The following CIMIP2C variants were observed in gnomAD, a reference collection of about 807,000 sequenced individuals.
CIMIP2C encodes the protein ciliary microtubule inner protein 2C.
chr2:26,569,582 A>T, the CIMIP2C span, among the ~76,000 whole-genome samples: 1 of 152,160 alleles, frequency 6.6e-6, no homozygotes, highest in African/African-American at 2.4e-5. Context: ...CTGATGGCTC[A>T]TGGTAATTAG....
chr2:26,571,121 G>A, the CIMIP2C span, among the ~76,000 whole-genome samples: 151,975 of 152,248 alleles, frequency 1, 75,852 homozygotes, highest in Middle Eastern at 1. Context: ...CCAGAATGGT[G>A]GAGGCTGGAG....
the CIMIP2C span, chr2:26,578,586 T>C: frequency 2.2e-5 from 7 of 324,628 alleles, no homozygotes; most frequent in African/African-American, 1.3e-4. Context: ...GGAAGCAGCA[T>C]CTCCCATCAC....
the CIMIP2C span, among the ~76,000 whole-genome samples, chr2:26,576,781 G>T: frequency 1.3e-5 from 2 of 152,206 alleles, no homozygotes; most frequent in African/African-American, 4.8e-5. Flanking sequence ...TGTTGTTCTT[G>T]TCCTGCTGTT....
At chr2:26,566,388 G>C in the CIMIP2C span, among the ~76,000 whole-genome samples, 4 of 152,248 alleles carry the variant, frequency 2.6e-5, no homozygotes, top group Non-Finnish European at 4.4e-5. Flanking sequence ...AAAGGTGGCT[G>C]TGTCCCCATC....
chr2:26,577,041 A>C, the CIMIP2C span, among the ~76,000 whole-genome samples: 1 of 152,100 alleles, frequency 6.6e-6, no homozygotes. Flanking sequence ...GGAGAGGAGG[A>C]GGTTGATGCC....
At chr2:26,579,238 G>T in the CIMIP2C span, 1 of 1,590,748 alleles carries the variant, frequency 6.3e-7, no homozygotes, top group South Asian at 1.1e-5. Flanking sequence ...GGGTGGGCAC[G>T]CACCACCTTC....
chr2:26,576,845 G>A, the CIMIP2C span, among the ~76,000 whole-genome samples: 1 of 152,228 alleles, frequency 6.6e-6, no homozygotes, highest in African/African-American at 2.4e-5. Flanking sequence ...AGAGACCACA[G>A]GTGCATGGGC....
chr2:26,577,613 C>T, the CIMIP2C span: 1 of 1,613,772 alleles, frequency 6.2e-7, no homozygotes, highest in African/African-American at 1.3e-5. Context: ...GAACGGTACC[C>T]CCTCCCCACC....
the CIMIP2C span, chr2:26,577,700 A>G: frequency 1.8e-6 from 2 of 1,082,190 alleles, no homozygotes; most frequent in South Asian, 2.6e-5. Flanking sequence ...TCGGCCAGGC[A>G]TGCACAGCAC....
the CIMIP2C span, among the ~76,000 whole-genome samples, chr2:26,568,704 T>C: frequency 1.3e-5 from 2 of 152,104 alleles, no homozygotes; most frequent in African/African-American, 4.8e-5. Context: ...AGAAAGAATA[T>C]TCCAGTGGCT....
chr2:26,562,615 G>A, the CIMIP2C span: 18 of 1,578,782 alleles, frequency 1.1e-5, no homozygotes, highest in East Asian at 3.1e-4. Flanking sequence ...CACCCACCAT[G>A]GCCTCCCGCA....
At chr2:26,577,445 A>G in the CIMIP2C span, 1 of 1,358,456 alleles carries the variant, frequency 7.4e-7, no homozygotes, top group Non-Finnish European at 1.1e-6. Context: ...GCAGCGAGGC[A>G]TGGACTGCAG....
the CIMIP2C span, chr2:26,579,019 G>C: frequency 1.9e-5 from 10 of 531,036 alleles, no homozygotes; most frequent in African/African-American, 1.9e-4. Context: ...ACCACCACTG[G>C]GCCATTCTTA....
chr2:26,565,265 A>G, the CIMIP2C span, among the ~76,000 whole-genome samples: 1 of 151,774 alleles, frequency 6.6e-6, no homozygotes, highest in Non-Finnish European at 1.5e-5. Context: ...TAATTTTTGT[A>G]TTTTTAGTAC....
chr2:26,579,015 A>C, the CIMIP2C span: 1 of 528,044 alleles, frequency 1.9e-6, no homozygotes, highest in Non-Finnish European at 3.6e-6. Context: ...GGATACCACC[A>C]CTGGGCCATT....
the CIMIP2C span, among the ~76,000 whole-genome samples, chr2:26,569,107 C>T: frequency 1.3e-5 from 2 of 151,686 alleles, no homozygotes; most frequent in Admixed American, 6.6e-5. Context: ...ATGGAGCGGG[C>T]AGGCAGGGTC....
chr2:26,568,427 G>GTACATTTC, the CIMIP2C span, among the ~76,000 whole-genome samples: 2 of 152,214 alleles, frequency 1.3e-5, no homozygotes, highest in Non-Finnish European at 2.9e-5. Flanking sequence ...AGCTGTTCAA[G>GTACATTTC]TACATTTCAT....
chr2:26,572,625 T>C, the CIMIP2C span, among the ~76,000 whole-genome samples: 1 of 152,168 alleles, frequency 6.6e-6, no homozygotes, highest in Non-Finnish European at 1.5e-5. Context: ...TCTCTTCCAT[T>C]CCCTACATTC....
At chr2:26,577,854 C>G in the CIMIP2C span, 13 of 491,862 alleles carry the variant, frequency 2.6e-5, no homozygotes, top group Middle Eastern at 1.0e-3. Context: ...AGTGCTTTCC[C>G]GGCCAGATGC....
Sources: allele counts gnomAD v4.1 joint callset (sites outside exome capture counted in the v4.1 genomes callset), GRCh38; gene constraint gnomAD v4.1.1; transcripts MANE v1.5; gene names NCBI Gene and HGNC (gene_info 2026-07-23, HGNC 2026-07-21).